Variants in CSMD3 observed in about 807,000 individuals in gnomAD.
The protein encoded by CSMD3 is CUB and Sushi multiple domains 3, also known as CUB and sushi domain-containing protein 3.
Under a neutral mutation model 435.2 loss-of-function variants are expected in CSMD3, and 177 were observed. The ratio of observed to expected loss-of-function variants is 0.41; its 90% CI spans 0.36 to 0.46. The LOEUF is 0.46. CSMD3 is among the 20% of genes least tolerant of loss of function. CSMD3 has a pLI of 0.34. For missense variants in CSMD3, 4,265 were observed against 4,504.6 expected, an observed-to-expected ratio of 0.95 and a Z score of 1.52; for synonymous variants, 1,656 against 1,520.5, an observed-to-expected ratio of 1.09 and a Z score of -2.07.
chr8:112,819,038 G>A (rs1431423231), intron 12 of CSMD3, among the ~76,000 whole-genome samples: 1 of 152,084 alleles, frequency 6.6e-6, no homozygotes, highest in South Asian at 2.1e-4. Flanking sequence ...GAACACACAG[G>A]TATGTGGTAC....
intron 13 of CSMD3, among the ~76,000 whole-genome samples, chr8:112,758,626 C>G (rs944414487): frequency 2.0e-5 from 3 of 151,998 alleles, no homozygotes; most frequent in Non-Finnish European, 4.4e-5. Flanking sequence ...TGTGGTTACA[C>G]CATTTGAATT....
chr8:113,402,555 G>C (rs2094515030), intron 1 of CSMD3, among the ~76,000 whole-genome samples: 1 of 151,170 alleles, frequency 6.6e-6, no homozygotes, highest in African/African-American at 2.4e-5. Context: ...AAAATCTATT[G>C]AGGAAATGCA....
intron 30 of CSMD3, among the ~76,000 whole-genome samples, chr8:112,498,074 C>G (rs1821552019): frequency 1.3e-5 from 2 of 151,978 alleles, no homozygotes; most frequent in Non-Finnish European, 2.9e-5. Context: ...TTCTCTCTAC[C>G]TATACTTATA....
At chr8:113,248,390 C>A (rs200491434) in intron 3 of CSMD3, among the ~76,000 whole-genome samples, 1 of 147,340 alleles carries the variant, frequency 6.8e-6, no homozygotes, top group East Asian at 2.0e-4. Context: ...ATATAATATA[C>A]ACTATAGAGA....
chr8:112,318,379 G>A (rs1158917781), intron 47 of CSMD3, among the ~76,000 whole-genome samples: 1 of 151,840 alleles, frequency 6.6e-6, no homozygotes, highest in African/African-American at 2.4e-5. Context: ...CCACAGCGAG[G>A]GCCACTTAAA....
At chr8:112,795,772 T>C (rs747762680) in intron 13 of CSMD3, among the ~76,000 whole-genome samples, 9 of 152,144 alleles carry the variant, frequency 5.9e-5, no homozygotes, top group African/African-American at 9.7e-5. Flanking sequence ...TTCTGTAATA[T>C]GCCAATACAT....
chr8:113,020,299 G>A (rs2086642620), intron 5 of CSMD3, among the ~76,000 whole-genome samples: 1 of 151,640 alleles, frequency 6.6e-6, no homozygotes, highest in Non-Finnish European at 1.5e-5. Context: ...TCACATATTT[G>A]GTTGCAAGAA....
At chr8:112,643,184 T>C (rs2074882492) in intron 20 of CSMD3, among the ~76,000 whole-genome samples, 3 of 152,128 alleles carry the variant, frequency 2.0e-5, no homozygotes, top group Admixed American at 2.0e-4. Flanking sequence ...TTGGTATAGC[T>C]CCAGAGAGCA....
intron 1 of CSMD3, among the ~76,000 whole-genome samples, chr8:113,427,131 T>A (rs1031311147): frequency 5.3e-5 from 8 of 151,434 alleles, no homozygotes; most frequent in Non-Finnish European, 1.2e-4. Context: ...CTAGTTTATA[T>A]TGGGAGAGTC....
At chr8:112,404,173 CA>C (rs1232426983) in intron 35 of CSMD3, among the ~76,000 whole-genome samples, 3 of 152,000 alleles carry the variant, frequency 2.0e-5, no homozygotes, top group Non-Finnish European at 4.4e-5. Context: ...CAATTGTTGA[CA>C]ATGTCCTGAT....
At chr8:113,344,496 G>C (rs1458689203) in intron 1 of CSMD3, among the ~76,000 whole-genome samples, 31 of 152,130 alleles carry the variant, frequency 2.0e-4, no homozygotes, top group Admixed American at 2.0e-3. Flanking sequence ...GTCTTTGCTT[G>C]CTTCGAAATA....
chr8:113,006,128 CTCT>C (rs1201520975), intron 6 of CSMD3, among the ~76,000 whole-genome samples: 1 of 152,076 alleles, frequency 6.6e-6, no homozygotes, highest in Admixed American at 6.6e-5. Flanking sequence ...ATAACCTCCT[CTCT>C]TCCCAATAAA....
In CSMD3 at chr8:112,723,038, C is replaced by CA. The variant is rs780606356; in HGVS notation, c.1973-32989dup. On this transcript the variant is annotated intron_variant, in intron 13 of 70. Coordinates refer to ENST00000297405, the MANE Select transcript of CSMD3 (RefSeq NM_198123.2). Reference sequence around the variant, plus strand: ...ACATTAGTCATTTGTTGACAAGTAGCAAAAAAAAAAAAACCTGTTCATTAA... The same window carrying CA: ...ACATTAGTCATTTGTTGACAAGTAGCAAAAAAAAAAAAAACCTGTTCATTAA... Among the ~76,000 whole-genome samples the CA allele has an allele frequency of 7.8e-3, 973 of 124,356 alleles. 15 individuals carry two copies. The East Asian group carries it at 0.086, about 11-fold the overall frequency. The allele number at this position is 124,356 out of a possible 152,430, so 81.6% of individuals were successfully genotyped here. A position where few individuals can be genotyped will look rare whatever the true frequency, so the allele number is the denominator to read the frequency against.
chr8:112,921,674 A>G lies in CSMD3; in HGVS notation c.1586T>C (p.Ile529Thr), dbSNP rs1404911249. 2 of 1,612,358 alleles carry G rather than the reference A, an allele frequency of 1.2e-6. No homozygotes were observed. The highest frequency in any genetic ancestry group is 1.1e-5 in the South Asian group (1 of 91,032). ...ACTCCAAGCAGCAAAAACTTCAGCT[A>G]TCCGTTGACAGGTGATGCTCTTTGC... is the stretch of plus-strand genomic sequence containing the variant. ...QGAKSITCQRIAEVFAAWSDH... is the reference protein window; with the variant it reads ...QGAKSITCQRTAEVFAAWSDH... Residue 529 changes from isoleucine to threonine, a missense_variant, in exon 10 of 71, where the codon ATA becomes ACA. By Grantham distance (89) the Ile-to-Thr change is moderately conservative. Transcript: ENST00000297405.
At chr8:113,161,643 C>T (rs755181963) in intron 4 of CSMD3, among the ~76,000 whole-genome samples, 4 of 151,890 alleles carry the variant, frequency 2.6e-5, no homozygotes, top group South Asian at 2.1e-4. Context: ...ATACTTTTAC[C>T]GGAACAGTAT....
At chr8:113,309,678 C>A (rs1588489594) in intron 2 of CSMD3, 3 of 152,224 alleles carry the variant, frequency 2.0e-5, no homozygotes, top group African/African-American at 2.4e-5. Context: ...TAATTACTCC[C>A]TGTTTTTAAA....
intron 1 of CSMD3, among the ~76,000 whole-genome samples, chr8:113,374,144 A>C (rs781742953): frequency 5.3e-5 from 8 of 152,028 alleles, no homozygotes; most frequent in Non-Finnish European, 1.0e-4. Flanking sequence ...TACTTATGTA[A>C]AGTAAATAAT....
intron 38 of CSMD3, 21 bp downstream of exon 38, chr8:112,380,331 G>T (rs1226252793): frequency 4.0e-6 from 5 of 1,254,022 alleles, no homozygotes; most frequent in Non-Finnish European, 3.5e-6. Context: ...CTTTTTGAAT[G>T]GCACATGATA....
chr8:112,800,886 GCA>G (rs1252110827), intron 12 of CSMD3, among the ~76,000 whole-genome samples: 4 of 151,968 alleles, frequency 2.6e-5, no homozygotes, highest in East Asian at 1.9e-4. Flanking sequence ...ATTCAGTAAT[GCA>G]CAGTTTTGTA....
Sources: gnomAD v4.1 joint callset for allele counts (sites outside exome capture counted in the v4.1 genomes callset) on GRCh38, gnomAD v4.1.1 for gene constraint, MANE v1.5 for transcripts, NCBI Gene and HGNC (gene_info 2026-07-23, HGNC 2026-07-21) for gene names.